The following MYOF variants were observed in gnomAD, a reference collection of about 807,000 sequenced individuals.
MYOF encodes the protein fer-1-like 3, myoferlin.
A neutral mutation model predicts 284.2 loss-of-function variants in MYOF; 244 were observed. That is an observed-to-expected ratio of 0.86 (90% CI 0.77 to 0.95). MYOF has a LOEUF of 0.95. MYOF is among the 40% of genes least tolerant of loss of function. The pLI is 0.00. For missense variants in MYOF, 2,496 were observed against 2,560.6 expected, an observed-to-expected ratio of 0.97 and a Z score of 0.54; for synonymous variants, 904 against 919.7, an observed-to-expected ratio of 0.98 and a Z score of 0.31.
chr10:93,408,969 T>TAGGATCCTC, intron 6 of MYOF, 54 bp from the exon 7 acceptor site: 2 of 1,608,404 alleles, frequency 1.2e-6, no homozygotes, highest in Non-Finnish European at 1.7e-6. Context: ...GTGGGATCCT[T>TAGGATCCTC]AGGATCCTCA....
At position 93,369,674 on chromosome 10, in the gene MYOF, C is replaced by T; in HGVS notation, c.2560G>A (p.Glu854Lys). ...AVEKKFNSFA[E>K]GTFTVFAEMY... is the part of the protein sequence containing the mutation. The stretch of plus-strand genomic sequence containing the variant: ...TCAGCAAAGACGGTGAAAGTTCCTT[C>T]TGCGAAGCTGTTAAACTTCTTCTCC... Residue 854 changes from glutamate (E) to lysine (K), a missense_variant, in exon 25 of 54, where the codon GAA becomes AAA. Physicochemically the swap from Glu to Lys is moderately conservative, Grantham distance 56. This residue lies in a region of MYOF where 2,436 missense variants were observed against 2,480.7 expected (regional missense o/e 0.98). Transcript: ENST00000359263. The T allele has an allele frequency of 6.2e-7, 1 of 1,614,206 alleles. No individual in the cohort carries two copies. The highest frequency in any genetic ancestry group is 1.3e-5 in the African/African-American group (1 of 75,054).
At chr10:93,385,433 G>C (rs558797630) in intron 19 of MYOF, among the ~76,000 whole-genome samples, 10 of 152,298 alleles carry the variant, frequency 6.6e-5, no homozygotes, top group African/African-American at 2.4e-4. Context: ...CCCATTTGTT[G>C]CAGCCTCTTT....
intron 36 of MYOF, among the ~76,000 whole-genome samples, chr10:93,348,889 C>T (rs59758202): frequency 0.027 from 4,114 of 152,278 alleles, 190 homozygotes; most frequent in African/African-American, 0.093. Flanking sequence ...CTAGTTAGGA[C>T]ATAGTCACTG....
chr10:93,400,133 T>A (rs1441835320), intron 12 of MYOF, among the ~76,000 whole-genome samples: 1 of 152,200 alleles, frequency 6.6e-6, no homozygotes, highest in East Asian at 1.9e-4. Context: ...AACTCAGGCC[T>A]GCTTTCAATT....
intron 5 of MYOF, among the ~76,000 whole-genome samples, chr10:93,411,586 G>GT (rs1847902739): frequency 6.6e-6 from 1 of 152,182 alleles, no homozygotes; most frequent in Non-Finnish European, 1.5e-5. Context: ...GCTATGGGGG[G>GT]TGTGGGGATG....
chr10:93,370,313 A>T (rs11187401), intron 24 of MYOF, among the ~76,000 whole-genome samples: 24,904 of 106,392 alleles, frequency 0.23, 3,323 homozygotes, highest in East Asian at 0.78. Flanking sequence ...AATGATTACT[A>T]ATTTTTTTTT....
intron 1 of MYOF, among the ~76,000 whole-genome samples, chr10:93,474,067 A>G (rs1337222289): frequency 1.3e-5 from 2 of 152,158 alleles, no homozygotes; most frequent in African/African-American, 4.8e-5. Context: ...AGTGTGAGGA[A>G]GGATGGCCAA....
intron 35 of MYOF, among the ~76,000 whole-genome samples, chr10:93,350,356 A>C (rs778026155): frequency 6.6e-6 from 1 of 151,816 alleles, no homozygotes; most frequent in Non-Finnish European, 1.5e-5. Context: ...TCTGTCACCC[A>C]GGCTGGGGTA....
At chr10:93,313,944 T>A (rs1487123547) in intron 50 of MYOF, among the ~76,000 whole-genome samples, 1 of 152,034 alleles carries the variant, frequency 6.6e-6, no homozygotes, top group African/African-American at 2.4e-5. Context: ...CTGCATGAAA[T>A]GTGCATGTCC....
intron 53 of MYOF, among the ~76,000 whole-genome samples, 193 bp from the exon 54 acceptor site, chr10:93,307,194 C>CT (rs1032337930): frequency 2.5e-5 from 3 of 120,392 alleles, no homozygotes; most frequent in Non-Finnish European, 4.1e-5. Flanking sequence ...TAGCACCCCC[C>CT]CGCCAAGTTG....
Position 93,383,559 on chromosome 10 carries a change from C to T in MYOF, c.1699-2163G>A, listed in dbSNP as rs182318692. Among the ~76,000 whole-genome samples the T allele has an allele frequency of 2.0e-3, 307 of 152,192 alleles. 1 individual carries two copies. Among genetic ancestry groups the T allele is most frequent in the African/African-American group, 7.0e-3 (291 of 41,514 alleles). On this transcript the variant is annotated intron_variant, in intron 19 of 53. Coordinates refer to ENST00000359263, the MANE Select transcript of MYOF (RefSeq NM_013451.4). Reference sequence around the variant, plus strand: ...AAGAGCTCTGCTTAACTACCCACAGCGAAGCCCCCTGGAATACCCGTGGTC... The same window carrying T: ...AAGAGCTCTGCTTAACTACCCACAGTGAAGCCCCCTGGAATACCCGTGGTC...
chr10:93,328,251 A>G (rs541186644), intron 45 of MYOF, among the ~76,000 whole-genome samples: 31 of 152,236 alleles, frequency 2.0e-4, no homozygotes, highest in Non-Finnish European at 3.5e-4. Context: ...TGCTTACTGC[A>G]GTCTTTGTCA....
At chr10:93,386,492 ACGGATGCCCCGT>A (rs1465351499) in intron 19 of MYOF, among the ~76,000 whole-genome samples, 2 of 152,208 alleles carry the variant, frequency 1.3e-5, no homozygotes, top group Middle Eastern at 3.2e-3. Flanking sequence ...GTGAAGTTAC[ACGGATGCCCCGT>A]GGCTTGCTGC....
rs550315891 is a variant in MYOF, at chr10:93,423,811, C to G, written c.433+2260G>C. 9.4e-5 allele frequency among the ~76,000 whole-genome samples: 14 copies of G among 149,370 alleles called. No homozygotes were observed. In the South Asian group the frequency reaches 3.0e-3, roughly 32 times the overall value. Reference sequence around the variant, plus strand: ...TCGTGCCACTGCACTCCAGCCTGGGCGACAGAGCCAGACTCTGTCTAAAAA... The same window carrying G: ...TCGTGCCACTGCACTCCAGCCTGGGGGACAGAGCCAGACTCTGTCTAAAAA... On this transcript the variant is annotated intron_variant, in intron 5 of 53. Transcript: ENST00000359263.
rs925064893 is a variant in MYOF, at chr10:93,316,567, C to G, written c.5698+147G>C. 2.5e-5 allele frequency: 17 copies of G among 689,850 alleles called. No homozygotes were observed. The African/African-American group carries it at 2.7e-4, about 11-fold the overall frequency. The allele number at this position is 689,850 out of a possible 1,614,324, so 42.7% of individuals were successfully genotyped here. On this transcript the variant is annotated intron_variant, in intron 50 of 53. Coordinates refer to ENST00000359263, the MANE Select transcript of MYOF (RefSeq NM_013451.4). The stretch of plus-strand genomic sequence containing the variant: ...CAGGCTGCACTGCCAAGAGCTCACA[C>G]AAGCACTGGGTGTATCCCCTGTCCC...
At chr10:93,381,458 A>C in intron 19 of MYOF, 62 bp from the exon 20 acceptor site, 1 of 1,547,482 alleles carries the variant, frequency 6.5e-7, no homozygotes, top group Non-Finnish European at 8.8e-7. Flanking sequence ...TTACATGTGG[A>C]TTTCTAGGAG....
chr10:93,382,228 AT>A (rs894807051), intron 19 of MYOF, among the ~76,000 whole-genome samples: 3 of 151,194 alleles, frequency 2.0e-5, no homozygotes, highest in South Asian at 4.2e-4. Context: ...TGAAGCATTA[AT>A]TTTTTTTTCT....
intron 7 of MYOF, among the ~76,000 whole-genome samples, chr10:93,405,816 T>C (rs79826198): frequency 7.5e-5 from 7 of 93,550 alleles, no homozygotes; most frequent in African/African-American, 2.5e-4. Context: ...TTTTTTTTTT[T>C]TGACGGAGTC....
intron 22 of MYOF, among the ~76,000 whole-genome samples, chr10:93,375,608 T>G (rs1845803082): frequency 6.6e-6 from 1 of 152,218 alleles, no homozygotes; most frequent in South Asian, 2.1e-4. Context: ...TGGGACATGC[T>G]TTTTAGGGCT....
Sources: gnomAD v4.1 joint callset for allele counts (sites outside exome capture counted in the v4.1 genomes callset) on GRCh38, gnomAD v4.1.1 for gene constraint, gnomAD v4.1.1 regional missense constraint, MANE v1.5 for transcripts, NCBI Gene and HGNC (gene_info 2026-07-23, HGNC 2026-07-21) for gene names.